Variants in ZNF462 observed in about 807,000 individuals in gnomAD.
ZNF462 encodes the protein zinc finger PBX1-interacting protein.
In ZNF462, 10 loss-of-function variants were observed where a neutral mutation model predicts 201.9. That is an observed-to-expected ratio of 0.05 (90% CI 0.03 to 0.08). The LOEUF (loss-of-function observed/expected upper bound fraction) is 0.08. Among genes scored for constraint, ZNF462 ranks in the 10% least tolerant of loss-of-function variants. The pLI is 1.00. For missense variants in ZNF462, 2,523 were observed against 3,168.3 expected (o/e 0.80, Z 4.89); for synonymous variants, 1,227 against 1,193.3 (o/e 1.03, Z -0.58).
At position 106,972,123 on chromosome 9, in the gene ZNF462, C is replaced by T. The variant is rs768006535; in HGVS notation, c.6546C>T (p.Gly2182=). 3.1e-6 allele frequency: 5 copies of T among 1,614,180 alleles called. No homozygotes were observed. The South Asian group carries it at 4.4e-5, about 14-fold the overall frequency. Residue 2182 remains glycine (G), a synonymous_variant, in exon 8 of 13, where the codon GGC becomes GGT. Transcript: ENST00000277225. This position sits in a 1 kb window ranked among gnomAD's most constrained non-coding sequence, Gnocchi z 4.8. ...SPVPLSGAAA[G]TEQKTEAVLH... ...TGCCTCTTTCTGGGGCTGCTGCTGG[C>T]ACTGAGCAGAAAACTGAAGCCGTGC...
intron 10 of ZNF462, among the ~76,000 whole-genome samples, chr9:107,001,334 C>G (rs1829169730): frequency 6.6e-6 from 1 of 152,114 alleles, no homozygotes. Context: ...ATTTACAATG[C>G]TTGTTGTAAG....
chr9:106,898,569 C>G (rs1451422552), intron 1 of ZNF462, among the ~76,000 whole-genome samples: 1 of 152,112 alleles, frequency 6.6e-6, no homozygotes, highest in African/African-American at 2.4e-5. Flanking sequence ...AGGACAGCCT[C>G]TCACAATAAT....
intron 1 of ZNF462, among the ~76,000 whole-genome samples, chr9:106,881,983 T>C (rs1411458846): frequency 1.3e-5 from 2 of 152,236 alleles, no homozygotes. Flanking sequence ...ATAGCACAGA[T>C]GTAAGCTATT....
At chr9:106,918,441 G>GA (rs1183067409) in intron 1 of ZNF462, among the ~76,000 whole-genome samples, 1 of 152,094 alleles carries the variant, frequency 6.6e-6, no homozygotes, top group Non-Finnish European at 1.5e-5. Flanking sequence ...TGCTGTTCCT[G>GA]AAAGAGATTT....
intron 1 of ZNF462, among the ~76,000 whole-genome samples, chr9:106,900,823 C>G (rs115797622): frequency 0.012 from 1,844 of 152,144 alleles, 31 homozygotes; most frequent in African/African-American, 0.042. Flanking sequence ...GATTTTTCTC[C>G]TACTCTGTGG....
In ZNF462 at chr9:106,938,439, A is replaced by G. The variant is rs1830724356; in HGVS notation, c.6236-477A>G. On this transcript the variant is annotated intron_variant, in intron 6 of 12. Transcript: ENST00000277225. This position sits in a 1 kb window ranked among gnomAD's most constrained non-coding sequence, Gnocchi z 4.4. ...AGGAAGTACAGAATAGAATAGCACA[A>G]CAGAGCTTGCACTGAATGACTTTGT... Among the ~76,000 whole-genome samples the G allele has an allele frequency of 2.0e-5, 3 of 152,232 alleles. No individual in the cohort carries two copies. Among genetic ancestry groups the G allele is most frequent in the Admixed American group, 1.3e-4 (2 of 15,276 alleles).
Position 106,920,431 on chromosome 9 carries a change from C to T in ZNF462, c.-30-2923C>T, listed in dbSNP as rs1243973371. ...GCAAGATGGCTTTCAAAGTAGGCTA[C>T]ATCCTCCTTTCAGTACTTGGTGCAG... On this transcript the variant is annotated intron_variant, in intron 1 of 12. Coordinates refer to ENST00000277225, the MANE Select transcript of ZNF462 (RefSeq NM_021224.6). The surrounding 1 kb of genome is among the most constrained non-coding windows in gnomAD (Gnocchi z 4.3). 6.6e-6 allele frequency among the ~76,000 whole-genome samples: 1 copy of T among 152,210 alleles called. No homozygotes were observed. The highest frequency in any genetic ancestry group is 2.4e-5 in the African/African-American group (1 of 41,448).
intron 7 of ZNF462, among the ~76,000 whole-genome samples, chr9:106,939,430 G>A (rs1362683456): frequency 6.6e-6 from 1 of 152,184 alleles, no homozygotes; most frequent in East Asian, 1.9e-4. Context: ...ACAGTACCAG[G>A]CCAATTTGTT....
chr9:106,888,471 T>C (rs1286148339), intron 1 of ZNF462, among the ~76,000 whole-genome samples: 1 of 152,246 alleles, frequency 6.6e-6, no homozygotes, highest in Non-Finnish European at 1.5e-5. Context: ...TAGAGCAGTC[T>C]GTTAACGTCT....
chr9:106,929,209 A>T lies in ZNF462; in HGVS notation c.5297A>T (p.Lys1766Met). The part of the protein sequence containing the change: ...LSEELRRAVE[K>M]KKCSLCSFQS... ...GAGGAACTCCGGCGGGCAGTGGAGA[A>T]GAAAAAGTGCTCCTTGTGCTCTTTC... Residue 1766 changes from lysine (K) to methionine (M), a missense_variant, in exon 3 of 13, where the codon AAG (lysine) becomes ATG (methionine). Transcript: ENST00000277225. This position sits in a 1 kb window ranked among gnomAD's most constrained non-coding sequence, Gnocchi z 8.7. 6.2e-7 allele frequency: 1 copy of T among 1,614,204 alleles called. No homozygotes were observed. Among genetic ancestry groups the T allele is most frequent in the Non-Finnish European group, 8.5e-7 (1 of 1,180,036 alleles).
chr9:106,928,006 A>G lies in ZNF462; in HGVS notation c.4094A>G (p.Glu1365Gly), dbSNP rs763600417. 9.2e-5 allele frequency: 148 copies of G among 1,614,052 alleles called. No individual in the cohort carries two copies. The highest frequency in any genetic ancestry group is 2.8e-4 in the Admixed American group (17 of 59,994). Residue 1365 changes from glutamate to glycine, a missense_variant, in exon 3 of 13, where the codon GAA (glutamate) becomes GGA (glycine). By Grantham distance (98) the Glu-to-Gly change is moderately conservative. Coordinates refer to ENST00000277225, the MANE Select transcript of ZNF462 (RefSeq NM_021224.6). The surrounding 1 kb of genome is among the most constrained non-coding windows in gnomAD (Gnocchi z 9.3). Reference protein sequence around the residue: ...PSPPSLTMPAEAKTYRCRDCV... With the variant: ...PSPPSLTMPAGAKTYRCRDCV... ...CCTCCCTCTCTCACAATGCCAGCCG[A>G]AGCCAAAACCTACAGATGCAGGGAC... is the stretch of plus-strand genomic sequence containing the variant.
rs1050786040 is a variant in ZNF462, at chr9:106,993,679, C to A, written c.7056+9270C>A. Among the ~76,000 whole-genome samples the A allele has an allele frequency of 1.3e-5, 2 of 150,762 alleles. No individual in the cohort carries two copies. Among genetic ancestry groups the A allele is most frequent in the Non-Finnish European group, 3.0e-5 (2 of 67,732 alleles). On this transcript the variant is annotated intron_variant, in intron 10 of 12. Coordinates refer to ENST00000277225, the MANE Select transcript of ZNF462 (RefSeq NM_021224.6). This position sits in a 1 kb window ranked among gnomAD's most constrained non-coding sequence, Gnocchi z 4.0. The stretch of plus-strand genomic sequence containing the variant: ...TCTCTGTCCCCCAACATTCTACCCC[C>A]CAACACACATAGTGAATTATTTATC...
intron 1 of ZNF462, among the ~76,000 whole-genome samples, chr9:106,899,003 C>A (rs1828933704): frequency 6.6e-6 from 1 of 152,030 alleles, no homozygotes; most frequent in African/African-American, 2.4e-5. Flanking sequence ...TGTTCCTTAT[C>A]CAGATTATTC....
Position 106,923,098 on chromosome 9 carries a change from C to A in ZNF462, c.-30-256C>A, listed in dbSNP as rs1296517021. 6.6e-6 allele frequency among the ~76,000 whole-genome samples: 1 copy of A among 152,178 alleles called. No individual in the cohort carries two copies. The highest frequency in any genetic ancestry group is 1.5e-5 in the Non-Finnish European group (1 of 68,038). ...TTTGAAGTATTAAGCGTTTCCTTGA[C>A]AAATGGCATTGGAAGACATATCATG... On this transcript the variant is annotated intron_variant, in intron 1 of 12. Transcript: ENST00000277225. This position sits in a 1 kb window ranked among gnomAD's most constrained non-coding sequence, Gnocchi z 5.6.
At chr9:106,867,592 CTT>C (rs888265680) in intron 1 of ZNF462, among the ~76,000 whole-genome samples, 29 of 150,198 alleles carry the variant, frequency 1.9e-4, no homozygotes, top group African/African-American at 6.8e-4. Flanking sequence ...AAAAAACAAA[CTT>C]ATCTGCTCTT....
At chr9:106,903,849 T>G (rs1204479790) in intron 1 of ZNF462, among the ~76,000 whole-genome samples, 1 of 152,208 alleles carries the variant, frequency 6.6e-6, no homozygotes, top group Non-Finnish European at 1.5e-5. Context: ...AGCAGATAGT[T>G]GGTTGGTGAC....
At chr9:106,939,321 A>G (rs1830767092) in intron 7 of ZNF462, among the ~76,000 whole-genome samples, 1 of 152,176 alleles carries the variant, frequency 6.6e-6, no homozygotes, top group African/African-American at 2.4e-5. Context: ...TGAAAATGGA[A>G]TTCAGTGCTC....
chr9:106,861,796 G>C (rs527285506), upstream of ZNF462, among the ~76,000 whole-genome samples: 1 of 152,272 alleles, frequency 6.6e-6, no homozygotes, highest in South Asian at 2.1e-4. Flanking sequence ...GAATGATACG[G>C]GAGAGATTAC....
chr9:106,902,740 T>C lies in ZNF462; in HGVS notation c.-30-20614T>C, dbSNP rs1829114807. Among the ~76,000 whole-genome samples the C allele has an allele frequency of 6.6e-6, 1 of 152,142 alleles. No homozygotes were observed. Among genetic ancestry groups the C allele is most frequent in the African/African-American group, 2.4e-5 (1 of 41,436 alleles). ...TGTTCATAGTAACCTTGAATGATCT[T>C]TTTGTATTTCTGTGGTATCAGATGT... On this transcript the variant is annotated intron_variant, in intron 1 of 12. Coordinates refer to ENST00000277225, the MANE Select transcript of ZNF462 (RefSeq NM_021224.6). The surrounding 1 kb of genome is among the most constrained non-coding windows in gnomAD (Gnocchi z 4.2).
Sources: allele counts gnomAD v4.1 joint callset (sites outside exome capture counted in the v4.1 genomes callset), GRCh38; gene constraint gnomAD v4.1.1; non-coding constraint Gnocchi (gnomAD v3.1); transcripts MANE v1.5; gene names NCBI Gene and HGNC (gene_info 2026-07-23, HGNC 2026-07-21).